The following STARD13 variants were observed in gnomAD, a reference collection of about 807,000 sequenced individuals.
STARD13 encodes StAR related lipid transfer domain containing 13, also known as stAR-related lipid transfer protein 13.
Under a neutral mutation model 106.4 loss-of-function variants are expected in STARD13, and 62 were observed. The ratio of observed to expected loss-of-function variants is 0.58; its 90% CI spans 0.48 to 0.72. The LOEUF (loss-of-function observed/expected upper bound fraction) is 0.72, where lower values mean the gene tolerates loss of function less well. Among genes scored for constraint, STARD13 ranks in the 30% least tolerant of loss-of-function variants. STARD13 has a pLI of 0.00. For synonymous variants in STARD13, 565 were observed against 553.0 expected, an observed-to-expected ratio of 1.02 and a Z score of -0.31; for missense variants, 1,387 against 1,424.0, an observed-to-expected ratio of 0.97 and a Z score of 0.42.
chr13:33,301,270 G>A (rs1259653671), intron 1 of STARD13, among the ~76,000 whole-genome samples: 1 of 152,186 alleles, frequency 6.6e-6, no homozygotes, highest in African/African-American at 2.4e-5. Flanking sequence ...TGGCATGTGT[G>A]AATTGCACAA....
chr13:33,453,157 T>C, the STARD13 span, among the ~76,000 whole-genome samples: 2 of 152,258 alleles, frequency 1.3e-5, no homozygotes, highest in Non-Finnish European at 2.9e-5. Context: ...TTCAAGATTA[T>C]ACAAGATTGT....
intron 3 of STARD13, among the ~76,000 whole-genome samples, chr13:33,160,919 T>C (rs1960691182): frequency 6.6e-6 from 1 of 152,168 alleles, no homozygotes; most frequent in Non-Finnish European, 1.5e-5. Flanking sequence ...TCCTAGGATT[T>C]TACATCAAAG....
intron 1 of STARD13, among the ~76,000 whole-genome samples, chr13:33,322,152 T>C (rs1486719780): frequency 1.3e-5 from 2 of 152,222 alleles, no homozygotes; most frequent in Non-Finnish European, 2.9e-5. Flanking sequence ...CCAAATCGAT[T>C]TCATTTACCA....
chr13:33,573,393 T>C, the STARD13 span, among the ~76,000 whole-genome samples: 1 of 152,158 alleles, frequency 6.6e-6, no homozygotes, highest in South Asian at 2.1e-4. Context: ...CCATGCACCA[T>C]TGTATTGATG....
chr13:33,163,512 C>G (rs1882886376), intron 3 of STARD13, among the ~76,000 whole-genome samples: 1 of 148,438 alleles, frequency 6.7e-6, no homozygotes, highest in Non-Finnish European at 1.5e-5. Flanking sequence ...ATCATTTGAA[C>G]CCAGGAGGTA....
At chr13:33,113,017 G>C in intron 8 of STARD13, 86 bp from the exon 9 acceptor site, 1 of 963,016 alleles carries the variant, frequency 1.0e-6, no homozygotes, top group Non-Finnish European at 1.6e-6. Flanking sequence ...CACATTCCTC[G>C]TGTGAACACG....
intron 1 of STARD13, among the ~76,000 whole-genome samples, chr13:33,265,424 G>C (rs1004941190): frequency 1.3e-5 from 2 of 151,992 alleles, no homozygotes; most frequent in African/African-American, 4.8e-5. Flanking sequence ...TGTCCTATAG[G>C]GACATTTGTT....
At chr13:33,290,308 C>T (rs948839886), upstream of STARD13, among the ~76,000 whole-genome samples, 1 of 152,202 alleles carries the variant, frequency 6.6e-6, no homozygotes, top group African/African-American at 2.4e-5. Context: ...ATTTGGAAGG[C>T]TGCTTTCGAA....
At chr13:33,466,825 A>G in the STARD13 span, among the ~76,000 whole-genome samples, 1 of 152,368 alleles carries the variant, frequency 6.6e-6, no homozygotes, top group East Asian at 1.9e-4. Flanking sequence ...ACATGAATAC[A>G]AAGTACTTTA....
At chr13:33,595,308 A>G in the STARD13 span, among the ~76,000 whole-genome samples, 1 of 152,312 alleles carries the variant, frequency 6.6e-6, no homozygotes, top group African/African-American at 2.4e-5. Flanking sequence ...GTAAAAACAA[A>G]ACAAAAAACT....
chr13:33,655,369 G>A, the STARD13 span, among the ~76,000 whole-genome samples: 1 of 152,190 alleles, frequency 6.6e-6, no homozygotes, highest in Admixed American at 6.5e-5. Context: ...TCTATGACCA[G>A]TTCCAATACA....
intron 1 of STARD13, among the ~76,000 whole-genome samples, chr13:33,316,455 C>A (rs941117331): frequency 1.3e-5 from 2 of 152,156 alleles, no homozygotes; most frequent in Admixed American, 1.3e-4. Context: ...TGTAGTGTGA[C>A]TATCACATGC....
chr13:33,416,421 A>T, the STARD13 span, among the ~76,000 whole-genome samples: 31 of 152,234 alleles, frequency 2.0e-4, no homozygotes, highest in African/African-American at 7.0e-4. Flanking sequence ...GATAGACTGG[A>T]AGTGTGCAGA....
At chr13:33,584,364 C>T in the STARD13 span, among the ~76,000 whole-genome samples, 1 of 151,946 alleles carries the variant, frequency 6.6e-6, no homozygotes, top group Non-Finnish European at 1.5e-5. Flanking sequence ...GTGCCATGGC[C>T]AGAGCAGGAG....
At chr13:33,333,779 C>A (rs1467768875) in intron 1 of STARD13, 1 of 152,204 alleles carries the variant, frequency 6.6e-6, no homozygotes, top group East Asian at 1.9e-4. Flanking sequence ...AAGTAAGGTA[C>A]CATCTTTTCT....
intron 1 of STARD13, chr13:33,335,032 A>G (rs1194272683): frequency 2.0e-5 from 3 of 152,418 alleles, no homozygotes; most frequent in African/African-American, 7.2e-5. Flanking sequence ...CACACTGGGC[A>G]GCAGGAAAGT....
Position 33,110,032 on chromosome 13 carries a change from G to C in STARD13, c.2888C>G (p.Pro963Arg). The change falls in exon 12 of 14, where the codon CCC (proline) becomes CGC (arginine). Residue 963 changes from proline (P) to arginine (R), a missense_variant. Coordinates refer to ENST00000336934, the MANE Select transcript of STARD13 (RefSeq NM_178006.4). ...CAGCACGCGGTTCAGGACCACTGAG[G>C]GGGGTGCTTCCACCTCCACAGAAGC... ...WKASVEVEAP[P>R]SVVLNRVLRE... 4 of 1,614,236 alleles carry C rather than the reference G, an allele frequency of 2.5e-6. No individual in the cohort carries two copies. The highest frequency in any genetic ancestry group is 1.1e-5 in the South Asian group (1 of 91,086).
chr13:33,323,401 C>T lies in STARD13; in HGVS notation c.124+26889G>A, dbSNP rs541950105. ...AGATGCTGTTAGCCTCCCTGCTATACTCTGATCGCACCCTTCTCCCACTCA... is the reference window on the plus strand; with the variant it reads ...AGATGCTGTTAGCCTCCCTGCTATATTCTGATCGCACCCTTCTCCCACTCA... On this transcript the variant is annotated intron_variant, in intron 1 of 5. Transcript: ENST00000567873. Among the ~76,000 whole-genome samples, 6 of 152,322 alleles carry T rather than the reference C, an allele frequency of 3.9e-5. No individual in the cohort carries two copies. In the East Asian group the frequency reaches 1.2e-3, roughly 29 times the overall value.
At chr13:33,527,219 C>CT in the STARD13 span, among the ~76,000 whole-genome samples, 3 of 151,142 alleles carry the variant, frequency 2.0e-5, no homozygotes, top group Middle Eastern at 3.4e-3. Flanking sequence ...ATTTTTCAAA[C>CT]TTTTTTTTTA....
Sources: gnomAD v4.1 joint callset for allele counts (sites outside exome capture counted in the v4.1 genomes callset) on GRCh38, gnomAD v4.1.1 for gene constraint, MANE v1.5 for transcripts, NCBI Gene and HGNC (gene_info 2026-07-23, HGNC 2026-07-21) for gene names.